The following NAALADL2 variants were observed in gnomAD, a reference collection of about 807,000 sequenced individuals.
The protein encoded by NAALADL2 is inactive N-acetylated-alpha-linked acidic dipeptidase-like protein 2.
In NAALADL2, 76 loss-of-function variants were observed where a neutral mutation model predicts 87.2. The observed-to-expected ratio is 0.87, with a 90% CI of 0.72 to 1.05. The LOEUF (loss-of-function observed/expected upper bound fraction) is 1.05. Among genes scored for constraint, NAALADL2 ranks in the 50% least tolerant of loss-of-function variants. The pLI is 0.00. For missense variants in NAALADL2, 1,089 were observed against 945.8 expected, an observed-to-expected ratio of 1.15 and a Z score of -1.99; for synonymous variants, 354 against 331.0, an observed-to-expected ratio of 1.07 and a Z score of -0.75.
At chr3:175,430,836 C>T (rs1020053663) in intron 5 of NAALADL2, among the ~76,000 whole-genome samples, 1 of 152,002 alleles carries the variant, frequency 6.6e-6, no homozygotes, top group African/African-American at 2.4e-5. Context: ...ATTAGTTTGA[C>T]ATTAGTTAAT....
intron 2 of NAALADL2, among the ~76,000 whole-genome samples, chr3:174,634,475 T>C (rs1158430507): frequency 6.6e-6 from 1 of 152,158 alleles, no homozygotes; most frequent in Non-Finnish European, 1.5e-5. Flanking sequence ...TTCTACTCAG[T>C]TGAACAGTTG....
At chr3:174,465,652 T>G (rs1383766520) in intron 1 of NAALADL2, among the ~76,000 whole-genome samples, 1 of 152,180 alleles carries the variant, frequency 6.6e-6, no homozygotes, top group African/African-American at 2.4e-5. Context: ...TAGTTTTTCT[T>G]TTAATACTTT....
intron 11 of NAALADL2, among the ~76,000 whole-genome samples, chr3:175,693,042 C>G (rs1056619796): frequency 2.6e-5 from 4 of 152,136 alleles, no homozygotes; most frequent in Non-Finnish European, 4.4e-5. Flanking sequence ...TTAAAATCAG[C>G]CAAGGGAATA....
At chr3:175,584,603 T>C (rs1350636630) in intron 10 of NAALADL2, among the ~76,000 whole-genome samples, 1 of 152,224 alleles carries the variant, frequency 6.6e-6, no homozygotes, top group Non-Finnish European at 1.5e-5. Flanking sequence ...TGGAGTGTAC[T>C]TACACAAAAC....
intron 2 of NAALADL2, among the ~76,000 whole-genome samples, chr3:175,226,204 C>A (rs1040055479): frequency 6.6e-6 from 1 of 152,038 alleles, no homozygotes; most frequent in Non-Finnish European, 1.5e-5. Context: ...CGTTCTCTGG[C>A]AGATAATCCA....
chr3:175,724,210 C>A (rs1228396930), intron 11 of NAALADL2, among the ~76,000 whole-genome samples: 1 of 152,044 alleles, frequency 6.6e-6, no homozygotes, highest in Non-Finnish European at 1.5e-5. Flanking sequence ...TATAAAGATA[C>A]TAAAATTCTT....
chr3:175,161,877 A>ATAAC (rs1458916483), intron 2 of NAALADL2, among the ~76,000 whole-genome samples: 2 of 152,160 alleles, frequency 1.3e-5, no homozygotes, highest in Non-Finnish European at 2.9e-5. Context: ...CATGCTGGTA[A>ATAAC]TAACTAACAA....
At chr3:174,554,664 T>G (rs144463682) in intron 2 of NAALADL2, among the ~76,000 whole-genome samples, 2 of 151,968 alleles carry the variant, frequency 1.3e-5, no homozygotes, top group Non-Finnish European at 2.9e-5. Context: ...TGAGGGTGTT[T>G]TAAAGTATTG....
At chr3:175,314,563 C>A (rs935659010) in intron 4 of NAALADL2, among the ~76,000 whole-genome samples, 13 of 69,600 alleles carry the variant, frequency 1.9e-4, no homozygotes, top group South Asian at 1.2e-3. Flanking sequence ...CACATTCTAA[C>A]TATATATATA....
chr3:175,165,216 G>T (rs1337263690), intron 2 of NAALADL2, among the ~76,000 whole-genome samples: 1 of 152,074 alleles, frequency 6.6e-6, no homozygotes, highest in Non-Finnish European at 1.5e-5. Context: ...ATTACCAATT[G>T]TCATCCTCAT....
At chr3:175,079,903 G>T (rs2109226806) in intron 1 of NAALADL2, among the ~76,000 whole-genome samples, 1 of 151,848 alleles carries the variant, frequency 6.6e-6, no homozygotes, top group South Asian at 2.1e-4. Flanking sequence ...TTTAATTTTT[G>T]ATTCCTAGCA....
rs561957917 is a variant in NAALADL2, at chr3:174,528,871, G to A, written c.-183-21698G>A. ...ATTTGCCTGCAAGATTAATTACCTC[G>A]CACTGGGTCCCTCCCACAATACATA... On this transcript the variant is annotated intron_variant, in intron 1 of 3. Transcript: ENST00000434257. Among the ~76,000 whole-genome samples the A allele has an allele frequency of 9.9e-5, 15 of 152,136 alleles. No homozygotes were observed. In the East Asian group the frequency reaches 1.4e-3, roughly 14 times the overall value.
intron 5 of NAALADL2, among the ~76,000 whole-genome samples, chr3:175,347,395 T>C (rs892145680): frequency 6.6e-6 from 1 of 152,150 alleles, no homozygotes; most frequent in African/African-American, 2.4e-5. Flanking sequence ...AAACTAAATA[T>C]ACTGGGTCTA....
At chr3:175,734,097 C>A (rs929475963) in intron 11 of NAALADL2, among the ~76,000 whole-genome samples, 3 of 152,160 alleles carry the variant, frequency 2.0e-5, no homozygotes, top group Non-Finnish European at 4.4e-5. Context: ...AGGACGGTGG[C>A]GTGGCCCTCT....
rs1483387634 is a variant in NAALADL2 at position 175,807,466 on chromosome 3, GTAAT to G, written c.*4265_*4268del. 2 of 151,876 alleles carry G rather than the reference GTAAT, an allele frequency of 1.3e-5. No individual in the cohort carries two copies. Among genetic ancestry groups the G allele is most frequent in the Non-Finnish European group, 2.9e-5 (2 of 67,894 alleles). The allele number at this position is 151,876 out of a possible 1,614,324, so 9.4% of individuals were successfully genotyped here. A position where few individuals can be genotyped will look rare whatever the true frequency, so the allele number is the denominator to read the frequency against. ...TCTCATGAGACATTCTGTGATATGT[GTAAT>G]TGATTACTCCAAAAATTAAGCTTTC... On this transcript the variant is annotated 3_prime_UTR_variant, in exon 14 of 14. Coordinates refer to ENST00000454872, the MANE Select transcript of NAALADL2 (RefSeq NM_207015.3).
intron 2 of NAALADL2, among the ~76,000 whole-genome samples, chr3:175,205,627 G>T (rs949849448): frequency 6.6e-6 from 1 of 152,014 alleles, no homozygotes; most frequent in African/African-American, 2.4e-5. Flanking sequence ...GCTTTTGCAT[G>T]ACAAAAGCAA....
chr3:174,695,245 T>G (rs75567063), intron 2 of NAALADL2, among the ~76,000 whole-genome samples: 2,775 of 152,104 alleles, frequency 0.018, 47 homozygotes, highest in African/African-American at 0.051. Context: ...GAGTCTATGT[T>G]AGAATTTTAT....
intron 9 of NAALADL2, among the ~76,000 whole-genome samples, chr3:175,484,158 C>T (rs1217697736): frequency 1.3e-5 from 2 of 151,988 alleles, no homozygotes; most frequent in African/African-American, 4.8e-5. Flanking sequence ...TAAAATGTTT[C>T]CTCTTACTTT....
chr3:175,206,522 A>G (rs1447669839), intron 2 of NAALADL2, among the ~76,000 whole-genome samples: 1 of 151,588 alleles, frequency 6.6e-6, no homozygotes, highest in South Asian at 2.1e-4. Flanking sequence ...ATGAGGACAC[A>G]TAAGAGTGAG....
Sources: gnomAD v4.1 joint callset for allele counts (sites outside exome capture counted in the v4.1 genomes callset) on GRCh38, gnomAD v4.1.1 for gene constraint, MANE v1.5 for transcripts, NCBI Gene and HGNC (gene_info 2026-07-23, HGNC 2026-07-21) for gene names.